Variants in EPHA4 observed in about 807,000 individuals in gnomAD.
EPHA4 encodes EPH receptor A4.
A neutral mutation model predicts 108.3 loss-of-function variants in EPHA4; 19 were observed. The ratio of observed to expected loss-of-function variants is 0.18; its 90% CI spans 0.12 to 0.26. The LOEUF (loss-of-function observed/expected upper bound fraction) is 0.26. Ranked by LOEUF, EPHA4 falls within the 10% of genes least tolerant of loss-of-function variation. EPHA4 has a pLI of 1.00. For missense variants in EPHA4, 917 were observed against 1,254.0 expected (o/e 0.73, Z 4.06); for synonymous variants, 449 against 455.5 (o/e 0.99, Z 0.18).
chr2:221,432,646 A>ACT (rs1553567938), intron 14 of EPHA4, among the ~76,000 whole-genome samples: 8 of 142,078 alleles, frequency 5.6e-5, no homozygotes, highest in African/African-American at 1.0e-4. Context: ...TGCACCGAAC[A>ACT]TTTTTTTTTT....
At chr2:221,549,175 C>T (rs951716264) in intron 3 of EPHA4, among the ~76,000 whole-genome samples, 3 of 152,180 alleles carry the variant, frequency 2.0e-5, no homozygotes, top group Non-Finnish European at 4.4e-5. Flanking sequence ...AAAAGCATCA[C>T]ACTCTACTCT....
At chr2:221,436,734 C>T in intron 12 of EPHA4, 126 bp from the exon 13 acceptor site, 2 of 1,024,226 alleles carry the variant, frequency 2.0e-6, no homozygotes, top group Middle Eastern at 2.1e-4. Context: ...AACATTATTT[C>T]CAGGCCTTTC....
intron 5 of EPHA4, among the ~76,000 whole-genome samples, chr2:221,474,460 T>C (rs1574593590): frequency 6.6e-6 from 1 of 150,464 alleles, no homozygotes; most frequent in Admixed American, 6.6e-5. Flanking sequence ...TGTTTTTAAA[T>C]GTGCATTTCA....
chr2:221,482,215 A>C, intron 5 of EPHA4, 137 bp downstream of exon 5: 1 of 931,616 alleles, frequency 1.1e-6, no homozygotes, highest in Admixed American at 2.9e-5. Flanking sequence ...CCAGCCCCTA[A>C]GTATCTTTTA....
At chr2:221,545,242 G>C (rs1368217445) in intron 3 of EPHA4, among the ~76,000 whole-genome samples, 2 of 68,574 alleles carry the variant, frequency 2.9e-5, no homozygotes, top group African/African-American at 8.2e-5. Context: ...GGTCGAGGTG[G>C]GCGGATCACG....
chr2:221,436,696 T>C, intron 12 of EPHA4, 88 bp from the exon 13 acceptor site: 1 of 1,337,336 alleles, frequency 7.5e-7, no homozygotes, highest in Non-Finnish European at 1.1e-6. Flanking sequence ...TCTTTTTGGG[T>C]ATCTGTATCC....
intron 4 of EPHA4, among the ~76,000 whole-genome samples, chr2:221,498,937 C>A (rs1692389919): frequency 6.6e-6 from 1 of 151,760 alleles, no homozygotes; most frequent in Non-Finnish European, 1.5e-5. Context: ...ATTACAGGCT[C>A]ACACCACCAC....
chr2:221,543,587 T>G (rs2710494), intron 3 of EPHA4, among the ~76,000 whole-genome samples: 89,579 of 152,088 alleles, frequency 0.59, 27,678 homozygotes, highest in African/African-American at 0.78. Context: ...CCATATTTAG[T>G]TACCTTACTA....
intron 4 of EPHA4, among the ~76,000 whole-genome samples, chr2:221,486,047 A>T (rs1691963750): frequency 6.6e-6 from 1 of 152,216 alleles, no homozygotes. Flanking sequence ...AGAAGCAATT[A>T]AATTTCTGAC....
At chr2:221,555,467 GA>G (rs1694278143) in intron 3 of EPHA4, among the ~76,000 whole-genome samples, 1 of 152,216 alleles carries the variant, frequency 6.6e-6, no homozygotes, top group Non-Finnish European at 1.5e-5. Context: ...CATTCACCCA[GA>G]AAAGGCTGAG....
In EPHA4 at chr2:221,426,046, G is replaced by A. The variant is rs771453990; in HGVS notation, c.2943C>T (p.Gly981=). The change falls in exon 17 of 18, where the codon GGC becomes GGT. Residue 981 remains glycine (G), a synonymous_variant. Coordinates refer to ENST00000281821, the MANE Select transcript of EPHA4 (RefSeq NM_004438.5). ...AMRTQMQQMH[G]RMVPV ...TACTGGCTCAGACGGGAACCATTCT[G>A]CCGTGCATCTGCTGCATTTGGGTTC... 6.2e-7 allele frequency: 1 copy of A among 1,614,028 alleles called. No individual in the cohort carries two copies. The highest frequency in any genetic ancestry group is 8.5e-7 in the Non-Finnish European group (1 of 1,179,946).
At chr2:221,563,181 T>C (rs1198118667) in intron 3 of EPHA4, among the ~76,000 whole-genome samples, 1 of 152,128 alleles carries the variant, frequency 6.6e-6, no homozygotes, top group Non-Finnish European at 1.5e-5. Context: ...TGAAGCAATG[T>C]CCCTCCACTT....
intron 11 of EPHA4, among the ~76,000 whole-genome samples, chr2:221,439,877 A>G (rs1189956519): frequency 6.6e-6 from 1 of 152,158 alleles, no homozygotes; most frequent in Non-Finnish European, 1.5e-5. Flanking sequence ...GCCAATTTAA[A>G]AAGTTACTCA....
intron 3 of EPHA4, among the ~76,000 whole-genome samples, chr2:221,540,445 T>C (rs1263155118): frequency 6.6e-6 from 1 of 152,160 alleles, no homozygotes; most frequent in Non-Finnish European, 1.5e-5. Context: ...ACTTAAATGA[T>C]CAAATACGCC....
chr2:221,442,851 G>A lies in EPHA4; in HGVS notation c.2052C>T (p.His684=), dbSNP rs755434956. ...MGQFDHPNII[H]LEGVVTKCKP... is the part of the protein sequence containing the mutation. ...TACATTTAGTGACCACGCCTTCCAA[G>A]TGAATGATGTTCGGATGGTCAAACT... The change falls in exon 11 of 18, where the codon CAC becomes CAT. Residue 684 remains histidine, a synonymous_variant. Transcript: ENST00000281821. 3.7e-6 allele frequency: 6 copies of A among 1,614,046 alleles called. No individual in the cohort carries two copies. In the East Asian group the frequency reaches 6.7e-5, roughly 18 times the overall value.
At chr2:221,451,900 C>T (rs1164201883) in intron 8 of EPHA4, among the ~76,000 whole-genome samples, 2 of 152,090 alleles carry the variant, frequency 1.3e-5, no homozygotes, top group South Asian at 2.1e-4. Flanking sequence ...AAGTAGATCT[C>T]GCTGAAAAAA....
intron 4 of EPHA4, among the ~76,000 whole-genome samples, chr2:221,485,179 G>A (rs1466542373): frequency 6.6e-6 from 1 of 152,182 alleles, no homozygotes; most frequent in Non-Finnish European, 1.5e-5. Context: ...CAAAAAGTCA[G>A]TAATTAGTAT....
intron 2 of EPHA4, among the ~76,000 whole-genome samples, chr2:221,564,729 G>C (rs948294222): frequency 2.0e-5 from 3 of 151,942 alleles, no homozygotes; most frequent in African/African-American, 7.3e-5. Flanking sequence ...AGTGGCAACA[G>C]TTCAAATTTA....
intron 5 of EPHA4, among the ~76,000 whole-genome samples, chr2:221,471,726 T>C (rs1691493234): frequency 6.6e-6 from 1 of 152,134 alleles, no homozygotes; most frequent in South Asian, 2.1e-4. Context: ...CGCACCTGAA[T>C]TAGTTGACTG....
Sources: gnomAD v4.1 joint callset for allele counts (sites outside exome capture counted in the v4.1 genomes callset) on GRCh38, gnomAD v4.1.1 for gene constraint, MANE v1.5 for transcripts, NCBI Gene and HGNC (gene_info 2026-07-23, HGNC 2026-07-21) for gene names.